Variants in PRKX observed in about 807,000 individuals in gnomAD.
PRKX encodes cAMP-dependent protein kinase catalytic subunit PRKX.
In PRKX, 12 loss-of-function variants were observed where a neutral mutation model predicts 22.0. The observed-to-expected ratio is 0.54, with a 90% CI of 0.35 to 0.88. PRKX has a LOEUF of 0.88. Ranked by LOEUF, PRKX falls within the 40% of genes least tolerant of loss-of-function variation. The pLI is 0.01. For synonymous variants in PRKX, 134 were observed against 137.7 expected (o/e 0.97, Z 0.19); for missense variants, 217 against 308.0 (o/e 0.70, Z 2.21).
rs1926166140 is a variant in PRKX at position 3,606,119 on chromosome X, A to T, written c.*2850T>A. ...TGTCCTATTCTCTTAGAGTATTCCA[A>T]TTTAAGAAAATATTGCCAACTCGTA... On this transcript the variant is annotated 3_prime_UTR_variant, in exon 9 of 9. Coordinates refer to ENST00000262848, the MANE Select transcript of PRKX (RefSeq NM_005044.5). The T allele has an allele frequency of 8.9e-6, 1 of 112,372 alleles. No homozygotes were observed. The highest frequency in any genetic ancestry group is 1.9e-5 in the Non-Finnish European group (1 of 53,286). 9.3% of individuals were successfully genotyped at this position (112,372 alleles called of 1,213,427 possible). A position where few individuals can be genotyped will look rare whatever the true frequency, so the allele number is the denominator to read the frequency against.
intron 3 of PRKX, among the ~76,000 whole-genome samples, chrX:3,644,400 C>CAAA (rs752467196): frequency 0.017 from 626 of 36,793 alleles, 48 homozygotes; most frequent in African/African-American, 0.064. Context: ...GACACTGTCT[C>CAAA]AAAAAAAAAA....
At chrX:3,639,959 C>T (rs1280108220) in intron 4 of PRKX, among the ~76,000 whole-genome samples, 1 of 111,393 alleles carries the variant, frequency 9.0e-6, no homozygotes, top group Non-Finnish European at 1.9e-5. Context: ...GTGCTCCCCA[C>T]CAGCAGGACC....
chrX:3,658,926 C>CA (rs1927534779), intron 2 of PRKX, among the ~76,000 whole-genome samples: 1 of 111,420 alleles, frequency 9.0e-6, no homozygotes, highest in Admixed American at 9.6e-5. Context: ...AGAATGAAGG[C>CA]AAGGACGTGG....
At chrX:3,685,773 C>G (rs1211877224) in intron 1 of PRKX, among the ~76,000 whole-genome samples, 1 of 110,907 alleles carries the variant, frequency 9.0e-6, no homozygotes, top group Admixed American at 9.6e-5. Context: ...AAACCAGGCT[C>G]GGTGGCGCAT....
chrX:3,620,554 C>T (rs2146559795), intron 6 of PRKX, among the ~76,000 whole-genome samples: 1 of 112,294 alleles, frequency 8.9e-6, no homozygotes, highest in Admixed American at 9.5e-5. Context: ...GACAGCTGCT[C>T]CCCATGGCTG....
At chrX:3,650,879 TAAAAAAA>T (rs57311083) in intron 3 of PRKX, among the ~76,000 whole-genome samples, 24 of 82,022 alleles carry the variant, frequency 2.9e-4, no homozygotes, top group Non-Finnish European at 4.2e-4. Flanking sequence ...ACCCTGTCTT[TAAAAAAA>T]AAAAAAAAAA....
chrX:3,662,887 A>G (rs1265473112), intron 2 of PRKX, among the ~76,000 whole-genome samples: 1 of 104,788 alleles, frequency 9.5e-6, no homozygotes, highest in Non-Finnish European at 1.9e-5. Context: ...AGTCCCAACT[A>G]TCTGGGAGGC....
chrX:3,701,312 T>C (rs754527812), intron 1 of PRKX, among the ~76,000 whole-genome samples: 1 of 111,598 alleles, frequency 9.0e-6, no homozygotes, highest in African/African-American at 3.3e-5. Flanking sequence ...CACTATGTTG[T>C]CCAGGCTAGT....
At chrX:3,693,132 C>T (rs191200886) in intron 1 of PRKX, among the ~76,000 whole-genome samples, 20 of 109,998 alleles carry the variant, frequency 1.8e-4, no homozygotes, top group African/African-American at 6.6e-4. Context: ...TAGTTCCAGT[C>T]GGGCTGGAAG....
At chrX:3,691,540 G>A (rs1306662666) in intron 1 of PRKX, among the ~76,000 whole-genome samples, 3 of 103,240 alleles carry the variant, frequency 2.9e-5, no homozygotes, top group African/African-American at 7.1e-5. Flanking sequence ...CAACAATCCC[G>A]CAGGACTCCC....
At position 3,604,796 on chromosome X, in the gene PRKX, T is replaced by C. The variant is rs780147255; in HGVS notation, c.*4173A>G. ...AGTCTCATCTGCTAAAACACAATTGTAATGCCTTTTACATACAGAACAGAC... is the reference window on the plus strand; with the variant it reads ...AGTCTCATCTGCTAAAACACAATTGCAATGCCTTTTACATACAGAACAGAC... On this transcript the variant is annotated 3_prime_UTR_variant, in exon 9 of 9. Coordinates refer to ENST00000262848, the MANE Select transcript of PRKX (RefSeq NM_005044.5). 1 of 111,670 alleles carries C rather than the reference T, an allele frequency of 9.0e-6. No individual in the cohort carries two copies. Among genetic ancestry groups the C allele is most frequent in the East Asian group, 2.8e-4 (1 of 3,538 alleles). The allele number at this position is 111,670 out of a possible 1,213,427, so 9.2% of individuals were successfully genotyped here. A position where few individuals can be genotyped will look rare whatever the true frequency, so the allele number is the denominator to read the frequency against.
At chrX:3,678,444 T>C (rs1226946963) in intron 1 of PRKX, among the ~76,000 whole-genome samples, 1 of 112,149 alleles carries the variant, frequency 8.9e-6, no homozygotes, top group East Asian at 2.8e-4. Context: ...ACAGAGAGAA[T>C]TCTCCATGCC....
intron 1 of PRKX, among the ~76,000 whole-genome samples, chrX:3,682,546 TA>T (rs768034396): frequency 3.7e-5 from 4 of 108,013 alleles, no homozygotes; most frequent in African/African-American, 6.8e-5. Flanking sequence ...AAAAATGAAA[TA>T]AAAAAAAAGG....
At chrX:3,633,267 A>C (rs1018230387) in intron 4 of PRKX, among the ~76,000 whole-genome samples, 2 of 107,873 alleles carry the variant, frequency 1.9e-5, no homozygotes, top group Non-Finnish European at 3.8e-5. Flanking sequence ...AAAAAAAAAA[A>C]AAACAAAAAA....
chrX:3,624,518 C>T (rs946775007), intron 5 of PRKX, among the ~76,000 whole-genome samples: 4 of 111,101 alleles, frequency 3.6e-5, no homozygotes, highest in Admixed American at 9.6e-5. Context: ...TTTGATTACG[C>T]TTCTGGTTTA....
At chrX:3,700,781 C>G (rs1943114700) in intron 1 of PRKX, among the ~76,000 whole-genome samples, 1 of 86,143 alleles carries the variant, frequency 1.2e-5, no homozygotes, top group Non-Finnish European at 2.4e-5. Flanking sequence ...TTTGTAGAGA[C>G]AGGTTTTCAC....
chrX:3,635,906 A>G (rs1291063625), intron 4 of PRKX, among the ~76,000 whole-genome samples: 1 of 111,706 alleles, frequency 9.0e-6, no homozygotes, highest in Admixed American at 9.6e-5. Context: ...CTGACTCTTG[A>G]GTTAAACTCT....
At chrX:3,654,197 T>C (rs1447172289) in intron 3 of PRKX, among the ~76,000 whole-genome samples, 3 of 93,959 alleles carry the variant, frequency 3.2e-5, no homozygotes, top group African/African-American at 1.2e-4. Context: ...TATTATAATA[T>C]ATAGTATACC....
chrX:3,621,000 T>C (rs1317159002), intron 6 of PRKX, among the ~76,000 whole-genome samples: 4 of 111,670 alleles, frequency 3.6e-5, no homozygotes, highest in Non-Finnish European at 7.5e-5. Flanking sequence ...TATTGCTCTA[T>C]TAACCTTGCT....
Sources: gnomAD v4.1 joint callset for allele counts (sites outside exome capture counted in the v4.1 genomes callset) on GRCh38, gnomAD v4.1.1 for gene constraint, MANE v1.5 for transcripts, NCBI Gene and HGNC (gene_info 2026-07-23, HGNC 2026-07-21) for gene names.